SUMF1: variants seen among roughly 807,000 people sequenced by gnomAD.
SUMF1 encodes the protein formylglycine-generating enzyme.
SUMF1 carries 48 observed loss-of-function variants against 47.6 expected under a neutral mutation model. The observed-to-expected ratio is 1.01, with a 90% confidence interval of 0.80 to 1.28. The LOEUF is 1.28. SUMF1 is among the 50% of genes most tolerant of loss of function. SUMF1 has a pLI of 0.00. For missense variants in SUMF1, 571 were observed against 485.4 expected, an observed-to-expected ratio of 1.18 and a Z score of -1.66; for synonymous variants, 230 against 192.1, an observed-to-expected ratio of 1.20 and a Z score of -1.63.
chr3:4,391,364 C>T (rs1266163067), intron 7 of SUMF1, among the ~76,000 whole-genome samples: 2 of 151,944 alleles, frequency 1.3e-5, no homozygotes, highest in African/African-American at 4.8e-5. Flanking sequence ...AATTTTTGTC[C>T]CTTTTGCTCC....
At chr3:4,335,528 C>T (rs1190067976) in intron 8 of SUMF1, among the ~76,000 whole-genome samples, 1 of 152,136 alleles carries the variant, frequency 6.6e-6, no homozygotes, top group East Asian at 1.9e-4. Flanking sequence ...ACTAAACTCC[C>T]ATAAAGGAGT....
At chr3:4,376,446 A>C in intron 7 of SUMF1, 57 bp from the exon 8 acceptor site, 2 of 1,570,768 alleles carry the variant, frequency 1.3e-6, no homozygotes, top group Admixed American at 3.3e-5. Flanking sequence ...CCCCTTACAC[A>C]GTGGGAGAGA....
chr3:4,051,222 C>G (rs998806217), intron 9 of SUMF1, among the ~76,000 whole-genome samples: 2 of 152,050 alleles, frequency 1.3e-5, no homozygotes, highest in African/African-American at 2.4e-5. Context: ...ACCAACCACC[C>G]CATCCAATAG....
At chr3:4,106,889 T>C (rs988617872) in intron 8 of SUMF1, among the ~76,000 whole-genome samples, 1 of 152,118 alleles carries the variant, frequency 6.6e-6, no homozygotes, top group South Asian at 2.1e-4. Context: ...AATAAAGCTA[T>C]ACCATCAGGT....
chr3:4,380,028 G>C (rs1700452913), intron 7 of SUMF1, among the ~76,000 whole-genome samples: 1 of 152,124 alleles, frequency 6.6e-6, no homozygotes, highest in South Asian at 2.1e-4. Context: ...AACAACTTAA[G>C]TGGCTATTGG....
intron 8 of SUMF1, among the ~76,000 whole-genome samples, chr3:4,339,512 C>T (rs1699225009): frequency 6.6e-6 from 1 of 152,120 alleles, no homozygotes; most frequent in Non-Finnish European, 1.5e-5. Flanking sequence ...AGGGTGGCTC[C>T]ATGTTGTAGC....
In SUMF1 at chr3:4,139,589, T is replaced by TAC. The variant is rs946434703; in HGVS notation, c.1015-70846_1015-70845dup. ...ATGCATGTGTGTGTGTGTATATATA[T>TAC]ACACACACACACACATTTCTTAAGG... On this transcript the variant is annotated intron_variant and NMD_transcript_variant, in intron 8 of 12. Coordinates refer to the SUMF1 transcript ENST00000448413. 1.7e-3 allele frequency among the ~76,000 whole-genome samples: 251 copies of TAC among 150,500 alleles called. 2 individuals carry two copies. Among genetic ancestry groups the TAC allele is most frequent in the African/African-American group, 5.4e-3 (223 of 41,062 alleles).
chr3:4,085,162 T>C (rs545680628), intron 8 of SUMF1, among the ~76,000 whole-genome samples: 7 of 152,216 alleles, frequency 4.6e-5, no homozygotes, highest in African/African-American at 1.7e-4. Context: ...GGATACTAAA[T>C]TGTATTTTAA....
chr3:4,203,659 TCTTC>T (rs1005658285), intron 8 of SUMF1, among the ~76,000 whole-genome samples: 4 of 151,994 alleles, frequency 2.6e-5, no homozygotes, highest in African/African-American at 7.2e-5. Context: ...TGTGGTCTTC[TCTTC>T]CTTCCTTCCT....
At chr3:4,242,624 C>A (rs1268863) in intron 8 of SUMF1, among the ~76,000 whole-genome samples, 26,701 of 152,004 alleles carry the variant, frequency 0.18, 2,788 homozygotes, top group South Asian at 0.38. Flanking sequence ...GGATAAAGCC[C>A]ACTTGATCAT....
chr3:4,379,233 G>C (rs1232992832), intron 7 of SUMF1, among the ~76,000 whole-genome samples: 1 of 152,244 alleles, frequency 6.6e-6, no homozygotes, highest in Non-Finnish European at 1.5e-5. Flanking sequence ...CACAGCCCTA[G>C]TGTCTGACCT....
intron 8 of SUMF1, among the ~76,000 whole-genome samples, chr3:4,235,866 G>C (rs984223603): frequency 6.6e-6 from 1 of 152,006 alleles, no homozygotes; most frequent in Non-Finnish European, 1.5e-5. Flanking sequence ...CACCTGCCAT[G>C]CTACTCGTCT....
Position 4,417,124 on chromosome 3 carries a change from T to A in SUMF1, c.840+4A>T. On this transcript the variant is annotated splice_donor_region_variant and intron_variant, in intron 6 of 8. Coordinates refer to ENST00000272902, the MANE Select transcript of SUMF1 (RefSeq NM_182760.4). ...CACCCTCCTGCAGAGGTCTCATTAC[T>A]CACAGGCGCAGTTCCTTGGAAGCCA... 1 of 1,613,800 alleles carries A rather than the reference T, an allele frequency of 6.2e-7. No individual in the cohort carries two copies. The highest frequency in any genetic ancestry group is 1.1e-5 in the South Asian group (1 of 91,078).
intron 8 of SUMF1, among the ~76,000 whole-genome samples, chr3:4,239,645 G>T (rs1490242795): frequency 6.6e-6 from 1 of 152,160 alleles, no homozygotes; most frequent in Non-Finnish European, 1.5e-5. Flanking sequence ...TGCTGAAGTT[G>T]CTTATTAGCT....
intron 8 of SUMF1, among the ~76,000 whole-genome samples, chr3:4,212,333 G>A (rs896347577): frequency 5.9e-5 from 9 of 152,206 alleles, no homozygotes; most frequent in African/African-American, 2.2e-4. Context: ...ACCTGCGGCA[G>A]AGGGGCCTGA....
At chr3:4,460,168 G>C (rs1350647828) in intron 1 of SUMF1, among the ~76,000 whole-genome samples, 5 of 152,254 alleles carry the variant, frequency 3.3e-5, no homozygotes, top group Non-Finnish European at 5.9e-5. Flanking sequence ...TAGGTTGAGG[G>C]ATACAGGTAC....
chr3:4,271,975 A>T (rs1697314556), intron 8 of SUMF1, among the ~76,000 whole-genome samples: 1 of 152,152 alleles, frequency 6.6e-6, no homozygotes, highest in South Asian at 2.1e-4. Context: ...TCTTAAGAAC[A>T]AAGTGCTGGG....
chr3:4,055,342 A>G (rs1695173102), intron 9 of SUMF1, among the ~76,000 whole-genome samples: 1 of 152,188 alleles, frequency 6.6e-6, no homozygotes, highest in African/African-American at 2.4e-5. Flanking sequence ...ATTATCCTGT[A>G]TTAATATATT....
intron 5 of SUMF1, 56 bp downstream of exon 5, chr3:4,417,954 G>C (rs1235418689): frequency 1.2e-6 from 2 of 1,612,084 alleles, no homozygotes; most frequent in Non-Finnish European, 1.7e-6. Flanking sequence ...TTTTGTTGTT[G>C]TTTGTTTGTT....
Sources: allele counts gnomAD v4.1 joint callset (sites outside exome capture counted in the v4.1 genomes callset), GRCh38; gene constraint gnomAD v4.1.1; transcripts MANE v1.5; gene names NCBI Gene and HGNC (gene_info 2026-07-23, HGNC 2026-07-21).